The following CDH18 variants were observed in gnomAD, a reference collection of about 807,000 sequenced individuals.
The protein encoded by CDH18 is cadherin-18.
Under a neutral mutation model 67.9 loss-of-function variants are expected in CDH18, and 31 were observed. The observed-to-expected ratio is 0.46, with a 90% CI of 0.34 to 0.62. CDH18 has a LOEUF of 0.62. Ranked by LOEUF, CDH18 falls within the 20% of genes least tolerant of loss-of-function variation. The probability of loss-of-function intolerance (pLI) is 0.01; values close to 1 mark genes in which losing one functional copy is unlikely to be tolerated. For missense variants in CDH18, 890 were observed against 975.5 expected, an observed-to-expected ratio of 0.91 and a Z score of 1.17; for synonymous variants, 362 against 347.2, an observed-to-expected ratio of 1.04 and a Z score of -0.48.
chr5:20,181,416 G>A (rs1737676636), intron 2 of CDH18, among the ~76,000 whole-genome samples: 2 of 152,048 alleles, frequency 1.3e-5, no homozygotes, highest in African/African-American at 2.4e-5. Flanking sequence ...CTTTTGGGAG[G>A]AGACCCTACT....
intron 2 of CDH18, among the ~76,000 whole-genome samples, chr5:20,229,279 C>A (rs1226620309): frequency 2.0e-5 from 3 of 152,096 alleles, no homozygotes; most frequent in Admixed American, 2.0e-4. Flanking sequence ...GTGTACTTCA[C>A]ATTCTAATCT....
At chr5:19,989,960 C>T (rs1473904426), upstream of CDH18, among the ~76,000 whole-genome samples, 1 of 152,146 alleles carries the variant, frequency 6.6e-6, no homozygotes, top group African/African-American at 2.4e-5. Context: ...GGAACGGAAA[C>T]AGCAGCATCA....
chr5:20,009,468 A>T (rs1237372367), intron 2 of CDH18, among the ~76,000 whole-genome samples: 1 of 152,122 alleles, frequency 6.6e-6, no homozygotes, highest in African/African-American at 2.4e-5. Context: ...TCAATCAGGT[A>T]GTCATTGAAT....
At chr5:19,802,348 T>G (rs1264174218) in intron 3 of CDH18, among the ~76,000 whole-genome samples, 1 of 152,150 alleles carries the variant, frequency 6.6e-6, no homozygotes, top group East Asian at 1.9e-4. Flanking sequence ...TTTAGTTTTA[T>G]ATATATAACC....
intron 4 of CDH18, among the ~76,000 whole-genome samples, chr5:19,735,555 C>T (rs1023606260): frequency 2.0e-5 from 3 of 151,984 alleles, no homozygotes; most frequent in African/African-American, 7.2e-5. Flanking sequence ...ACCACCACGC[C>T]CGGCTAATTG....
At position 19,649,769 on chromosome 5, in the gene CDH18, C is replaced by A. The variant is rs569422431; in HGVS notation, c.644-37168G>T. The stretch of plus-strand genomic sequence containing the variant: ...TTATATATTATATGATAAAGTCCAA[C>A]ATTAAATGGCTACCTTTTTTTTCCT... On this transcript the variant is annotated intron_variant, in intron 5 of 12. Transcript: ENST00000382275. 3.9e-5 allele frequency among the ~76,000 whole-genome samples: 6 copies of A among 152,030 alleles called. No homozygotes were observed. In the South Asian group the frequency reaches 1.2e-3, roughly 32 times the overall value.
chr5:19,790,733 A>G (rs981192532), intron 3 of CDH18, among the ~76,000 whole-genome samples: 4 of 152,146 alleles, frequency 2.6e-5, no homozygotes, highest in African/African-American at 9.7e-5. Context: ...TGGATGCTGG[A>G]TAAGGAAGAG....
At chr5:19,876,047 G>C (rs975051216) in intron 2 of CDH18, among the ~76,000 whole-genome samples, 1 of 152,068 alleles carries the variant, frequency 6.6e-6, no homozygotes, top group Non-Finnish European at 1.5e-5. Flanking sequence ...GGCCATCCAG[G>C]TTTGGCTATA....
chr5:19,536,796 T>A (rs142138933), intron 9 of CDH18, among the ~76,000 whole-genome samples: 1 of 152,174 alleles, frequency 6.6e-6, no homozygotes, highest in East Asian at 1.9e-4. Context: ...GCATTATTTG[T>A]TCCCATGGAA....
At chr5:20,215,491 G>T (rs1740696685) in intron 2 of CDH18, among the ~76,000 whole-genome samples, 3 of 151,596 alleles carry the variant, frequency 2.0e-5, no homozygotes, top group African/African-American at 7.3e-5. Context: ...ATGCTGACAA[G>T]GTTGCAGGGA....
intron 5 of CDH18, among the ~76,000 whole-genome samples, chr5:19,613,512 T>C (rs1397535703): frequency 2.6e-5 from 4 of 152,198 alleles, no homozygotes; most frequent in Admixed American, 6.5e-5. Flanking sequence ...TAAGGTTTAT[T>C]CTATAAATCA....
intron 9 of CDH18, among the ~76,000 whole-genome samples, chr5:19,531,111 T>C (rs1305087784): frequency 2.0e-5 from 3 of 152,142 alleles, no homozygotes; most frequent in East Asian, 1.9e-4. Flanking sequence ...CTCCAATAAA[T>C]TGTAATTTTC....
At chr5:19,884,435 C>T (rs1384686049) in intron 2 of CDH18, among the ~76,000 whole-genome samples, 1 of 151,962 alleles carries the variant, frequency 6.6e-6, no homozygotes, top group Non-Finnish European at 1.5e-5. Context: ...ACCTTTGAGG[C>T]TAATTTCTAT....
chr5:19,521,492 A>G (rs1488482505), intron 9 of CDH18, among the ~76,000 whole-genome samples: 12 of 152,212 alleles, frequency 7.9e-5, no homozygotes, highest in Non-Finnish European at 4.4e-5. Flanking sequence ...GATTCAGAAT[A>G]CATAATGAAC....
At chr5:19,571,981 T>A in intron 7 of CDH18, 149 bp from the exon 8 acceptor site, 3 of 659,048 alleles carry the variant, frequency 4.6e-6, no homozygotes, top group Non-Finnish European at 7.7e-6. Context: ...TAAAACGAAC[T>A]ATGAAGATTA....
intron 1 of CDH18, among the ~76,000 whole-genome samples, chr5:20,415,809 T>A (rs1369675857): frequency 6.6e-6 from 1 of 151,440 alleles, no homozygotes; most frequent in African/African-American, 2.4e-5. Flanking sequence ...TATAAAAAAA[T>A]AAAAAGATGA....
intron 1 of CDH18, among the ~76,000 whole-genome samples, chr5:20,542,424 T>C (rs1175155206): frequency 1.3e-5 from 2 of 151,600 alleles, no homozygotes; most frequent in African/African-American, 2.4e-5. Context: ...CATTATAGTA[T>C]ATAAATACAT....
intron 11 of CDH18, among the ~76,000 whole-genome samples, chr5:19,502,121 C>T (rs1743349703): frequency 1.3e-5 from 2 of 152,096 alleles, no homozygotes; most frequent in South Asian, 2.1e-4. Context: ...CATTTAGTGA[C>T]TTGCATTTGA....
intron 5 of CDH18, among the ~76,000 whole-genome samples, chr5:19,687,038 A>G (rs2150406348): frequency 6.6e-6 from 1 of 152,266 alleles, no homozygotes; most frequent in Middle Eastern, 3.4e-3. Flanking sequence ...CAAAGAAGTG[A>G]CAGGAAGCAC....
Sources: allele counts gnomAD v4.1 joint callset (sites outside exome capture counted in the v4.1 genomes callset), GRCh38; gene constraint gnomAD v4.1.1; transcripts MANE v1.5; gene names NCBI Gene and HGNC (gene_info 2026-07-23, HGNC 2026-07-21).